TMEM132B: variants seen among roughly 807,000 people sequenced by gnomAD.
TMEM132B encodes transmembrane protein 132B.
Under a neutral mutation model 90.8 loss-of-function variants are expected in TMEM132B, and 18 were observed. The ratio of observed to expected loss-of-function variants is 0.20; its 90% CI spans 0.14 to 0.29. TMEM132B has a LOEUF of 0.29. TMEM132B is among the 10% of genes least tolerant of loss of function. The probability of loss-of-function intolerance (pLI) is 1.00; values close to 1 mark genes in which losing one functional copy is unlikely to be tolerated. For missense variants in TMEM132B, 1,096 were observed against 1,326.8 expected (o/e 0.83, Z 2.70); for synonymous variants, 504 against 523.3 (o/e 0.96, Z 0.50).
At chr12:125,421,165 G>T (rs995415889) in intron 3 of TMEM132B, among the ~76,000 whole-genome samples, 7 of 152,174 alleles carry the variant, frequency 4.6e-5, no homozygotes, top group African/African-American at 1.7e-4. Context: ...TCCAACCTCT[G>T]CCTGTTACCC....
chr12:125,414,220 T>C (rs1879941658), intron 2 of TMEM132B, among the ~76,000 whole-genome samples: 1 of 152,376 alleles, frequency 6.6e-6, no homozygotes, highest in South Asian at 2.1e-4. Context: ...AGGAATACTT[T>C]ATATACGCTG....
At position 125,238,376 on chromosome 12, in the gene TMEM132B, AC is replaced by A. The variant is rs370800543; in HGVS notation, c.67+51511del. Among the ~76,000 whole-genome samples, 87 of 145,172 alleles carry A rather than the reference AC, an allele frequency of 6.0e-4. 2 individuals are homozygous for A. The highest frequency in any genetic ancestry group is 1.4e-3 in the African/African-American group (52 of 38,234). On this transcript the variant is annotated intron_variant, in intron 1 of 8. Coordinates refer to ENST00000682704, the MANE Select transcript of TMEM132B (RefSeq NM_001366854.1). ...TCAAAAAAAAAAAACCAAAAAAAAA[AC>A]AAAAAAAAACCAAAAAAACAAAAAC...
intron 1 of TMEM132B, among the ~76,000 whole-genome samples, chr12:125,307,791 T>TATTACAAGTATATATACTTAC (rs1565998251): frequency 6.7e-6 from 1 of 148,376 alleles, no homozygotes; most frequent in Non-Finnish European, 1.5e-5. Flanking sequence ...AATACAAGTA[T>TATTACAAGTATATATACTTAC]ATTACAAGTA....
At chr12:125,531,626 G>T (rs1883648780) in intron 4 of TMEM132B, among the ~76,000 whole-genome samples, 1 of 152,202 alleles carries the variant, frequency 6.6e-6, no homozygotes, top group Non-Finnish European at 1.5e-5. Context: ...TTGGTATCTA[G>T]AATAGACTGA....
intron 1 of TMEM132B, among the ~76,000 whole-genome samples, chr12:125,278,560 G>A (rs563898843): frequency 1.3e-5 from 2 of 149,374 alleles, no homozygotes; most frequent in African/African-American, 5.0e-5. Context: ...GCAGTTATAA[G>A]TTTATATAAA....
rs1482867764 is a variant in TMEM132B at position 125,246,421 on chromosome 12, C to G, written c.67+59555C>G. 1.3e-5 allele frequency among the ~76,000 whole-genome samples: 2 copies of G among 152,224 alleles called. No homozygotes were observed. The highest frequency in any genetic ancestry group is 4.8e-5 in the African/African-American group (2 of 41,460). On this transcript the variant is annotated intron_variant, in intron 1 of 8. Transcript: ENST00000682704. The surrounding 1 kb of genome is among the most constrained non-coding windows in gnomAD (Gnocchi z 4.2). ...GAAGTCAGCTTCCTGGGCTGCGTCT[C>G]TCATCTTGTTTATTAACATGCTGTC...
intron 1 of TMEM132B, among the ~76,000 whole-genome samples, chr12:125,287,227 A>C (rs1875386923): frequency 6.6e-6 from 1 of 151,182 alleles, no homozygotes; most frequent in African/African-American, 2.4e-5. Flanking sequence ...ACCTCCCACC[A>C]CCCTCTTATA....
intron 3 of TMEM132B, among the ~76,000 whole-genome samples, chr12:125,442,232 C>A (rs1017700151): frequency 6.6e-6 from 1 of 152,150 alleles, no homozygotes; most frequent in Non-Finnish European, 1.5e-5. Flanking sequence ...GCTGTTACTG[C>A]CTTTGAGGAA....
At chr12:125,236,186 C>G (rs1437624561) in intron 1 of TMEM132B, among the ~76,000 whole-genome samples, 1 of 150,638 alleles carries the variant, frequency 6.6e-6, no homozygotes, top group African/African-American at 2.4e-5. Flanking sequence ...CTCTCTATTG[C>G]CCAGGGTGGA....
At chr12:125,481,574 T>C (rs2136528763) in intron 3 of TMEM132B, among the ~76,000 whole-genome samples, 1 of 152,270 alleles carries the variant, frequency 6.6e-6, no homozygotes, top group East Asian at 1.9e-4. Context: ...CAAGGAGAAC[T>C]ACAAACCACT....
intron 3 of TMEM132B, among the ~76,000 whole-genome samples, chr12:125,442,669 C>T (rs1045801429): frequency 2.2e-4 from 34 of 152,244 alleles, no homozygotes; most frequent in African/African-American, 7.5e-4. Context: ...CTATTCAGGA[C>T]GATGATCAGG....
intron 3 of TMEM132B, among the ~76,000 whole-genome samples, chr12:125,496,702 C>G (rs1332903348): frequency 1.3e-5 from 2 of 152,306 alleles, no homozygotes; most frequent in Middle Eastern, 3.4e-3. Context: ...TCTCTCTGGC[C>G]TTCATTCTCA....
At chr12:125,416,267 C>T (rs1339371484) in intron 3 of TMEM132B, among the ~76,000 whole-genome samples, 1 of 152,172 alleles carries the variant, frequency 6.6e-6, no homozygotes, top group Non-Finnish European at 1.5e-5. Flanking sequence ...AGCCGCCTTC[C>T]CTACACAGTC....
intron 5 of TMEM132B, among the ~76,000 whole-genome samples, chr12:125,634,202 G>A (rs888352276): frequency 6.6e-6 from 1 of 152,092 alleles, no homozygotes; most frequent in African/African-American, 2.4e-5. Flanking sequence ...TCACCCTGGG[G>A]CCACCACCAC....
intron 3 of TMEM132B, among the ~76,000 whole-genome samples, chr12:125,428,201 C>T (rs2136392486): frequency 6.6e-6 from 1 of 152,078 alleles, no homozygotes; most frequent in East Asian, 1.9e-4. Context: ...GCTATGTTGC[C>T]TAGGCTGGTC....
chr12:125,339,213 C>T (rs1877086038), intron 1 of TMEM132B, among the ~76,000 whole-genome samples: 1 of 152,082 alleles, frequency 6.6e-6, no homozygotes. Context: ...AACAAAGTAC[C>T]ACATATTGGG....
At chr12:125,359,490 A>AT (rs1877893377) in intron 2 of TMEM132B, among the ~76,000 whole-genome samples, 2 of 152,178 alleles carry the variant, frequency 1.3e-5, no homozygotes, top group Admixed American at 6.5e-5. Flanking sequence ...GTAAAAAAAA[A>AT]GATATGATCC....
chr12:125,235,973 T>C (rs1873927262), intron 1 of TMEM132B, among the ~76,000 whole-genome samples: 1 of 151,856 alleles, frequency 6.6e-6, no homozygotes, highest in South Asian at 2.1e-4. Context: ...CCGATTAATG[T>C]TGTATTTTTA....
At chr12:125,269,750 C>T (rs371302196) in intron 1 of TMEM132B, among the ~76,000 whole-genome samples, 10 of 152,246 alleles carry the variant, frequency 6.6e-5, no homozygotes, top group African/African-American at 2.2e-4. Flanking sequence ...TTAAGCAAGA[C>T]GGAAGTGTAT....
Sources: gnomAD v4.1 joint callset for allele counts (sites outside exome capture counted in the v4.1 genomes callset) on GRCh38, gnomAD v4.1.1 for gene constraint, Gnocchi (gnomAD v3.1) non-coding constraint, MANE v1.5 for transcripts, NCBI Gene and HGNC (gene_info 2026-07-23, HGNC 2026-07-21) for gene names.